The following GRIP2 variants were observed in gnomAD, a reference collection of about 807,000 sequenced individuals.
The protein encoded by GRIP2 is glutamate receptor-interacting protein 2.
In GRIP2, 58 loss-of-function variants were observed where a neutral mutation model predicts 108.3. The observed-to-expected ratio is 0.54, with a 90% CI of 0.43 to 0.67. GRIP2 has a LOEUF of 0.67. Among genes scored for constraint, GRIP2 ranks in the 30% least tolerant of loss-of-function variants. The pLI, the probability that GRIP2 is intolerant of heterozygous loss-of-function variation, is 0.00. For missense variants in GRIP2, 1,278 were observed against 1,430.6 expected (o/e 0.89, Z 1.72); for synonymous variants, 586 against 598.2 (o/e 0.98, Z 0.30).
chr3:14,574,406 C>A, the GRIP2 span: 1 of 769,928 alleles, frequency 1.3e-6, no homozygotes, highest in South Asian at 1.5e-5. Context: ...GGAGCCGCAC[C>A]TTGGGCTGCG....
At chr3:14,549,250 C>A (rs752529759) in intron 1 of GRIP2, among the ~76,000 whole-genome samples, 1 of 152,206 alleles carries the variant, frequency 6.6e-6, no homozygotes, top group Non-Finnish European at 1.5e-5. Context: ...ATGCAGGAAT[C>A]CTCTCTGCTG....
At chr3:14,574,038 C>T in the GRIP2 span, 2 of 1,496,502 alleles carry the variant, frequency 1.3e-6, no homozygotes, top group East Asian at 4.5e-5. Context: ...GGGCCCGATC[C>T]AGAAGTTCTC....
At chr3:14,523,173 G>T in intron 5 of GRIP2, 98 bp from the exon 6 acceptor site, 1 of 876,042 alleles carries the variant, frequency 1.1e-6, no homozygotes, top group Non-Finnish European at 1.8e-6. Flanking sequence ...AATAAAACCT[G>T]TTTGAGGACC....
chr3:14,554,065 C>T (rs1476295099), intron 1 of GRIP2, among the ~76,000 whole-genome samples: 2 of 152,062 alleles, frequency 1.3e-5, no homozygotes, highest in Non-Finnish European at 2.9e-5. Context: ...GTGGTTGGGT[C>T]ACTAAGGGGA....
chr3:14,520,455 G>A lies in GRIP2; in HGVS notation c.795C>T (p.Thr265=). 1.2e-6 allele frequency: 2 copies of A among 1,613,914 alleles called. No homozygotes were observed. Among genetic ancestry groups the A allele is most frequent in the Non-Finnish European group, 1.7e-6 (2 of 1,179,868 alleles). ...TGACTGACTTGTTCCGGAGGGAGGTGGTGGTGAGCGAGATCCCCAGGGCAG... is the reference window on the plus strand; with the variant it reads ...TGACTGACTTGTTCCGGAGGGAGGTAGTGGTGAGCGAGATCCCCAGGGCAG... ...PGSALGISLT[T]TSLRNKSVIT... Residue 265 remains threonine (T), a synonymous_variant, in exon 8 of 24, where the codon ACC becomes ACT. Coordinates refer to ENST00000621039, the MANE Select transcript of GRIP2 (RefSeq NM_001080423.4).
At chr3:14,525,055 C>T (rs34000057) in intron 3 of GRIP2, among the ~76,000 whole-genome samples, 59,828 of 152,024 alleles carry the variant, frequency 0.39, 12,898 homozygotes, top group South Asian at 0.6. Flanking sequence ...GCCTTGGCCT[C>T]GGGTCAGGGA....
At position 14,505,835 on chromosome 3, in the gene GRIP2, GC is replaced by G. The variant is rs750677037; in HGVS notation, c.2399-47del. 4 of 1,454,744 alleles carry G rather than the reference GC, an allele frequency of 2.7e-6. No individual in the cohort carries two copies. In the East Asian group the frequency reaches 1.0e-4, roughly 37 times the overall value. The allele number at this position is 1,454,744 out of a possible 1,614,324, so 90.1% of individuals were successfully genotyped here. A position where few individuals can be genotyped will look rare whatever the true frequency, so the allele number is the denominator to read the frequency against. On this transcript the variant is annotated intron_variant, in intron 19 of 23. Transcript: ENST00000621039. This position sits in a 1 kb window ranked among gnomAD's most constrained non-coding sequence, Gnocchi z 4.2. ...TCTGTGTTCCCTGCGGCCTCACCTT[GC>G]CCTCCTGCCTGCCCCATTTCCAGCT...
the GRIP2 span, among the ~76,000 whole-genome samples, chr3:14,584,254 T>C: frequency 6.6e-6 from 1 of 152,130 alleles, no homozygotes; most frequent in Non-Finnish European, 1.5e-5. Flanking sequence ...TCCAGGCCGG[T>C]CCCATAACTC....
chr3:14,499,837 T>C (rs1299308629), intron 21 of GRIP2, among the ~76,000 whole-genome samples: 6 of 152,228 alleles, frequency 3.9e-5, no homozygotes, highest in African/African-American at 1.4e-4. Context: ...GGGATAATTG[T>C]CTTGGGCCAC....
In GRIP2 at chr3:14,512,945, G is replaced by T; in HGVS notation, c.1640-88C>A. The stretch of plus-strand genomic sequence containing the variant: ...CCCCATGCCCATTCTGGCTGTGCTG[G>T]GAGTGACCCCGAAAGTCACAGTTCT... On this transcript the variant is annotated intron_variant, in intron 13 of 23. Transcript: ENST00000621039. The surrounding 1 kb of genome is among the most constrained non-coding windows in gnomAD (Gnocchi z 5.1). 8.4e-7 allele frequency: 1 copy of T among 1,188,532 alleles called. No homozygotes were observed. Among genetic ancestry groups the T allele is most frequent in the Non-Finnish European group, 1.3e-6 (1 of 797,580 alleles). The allele number at this position is 1,188,532 out of a possible 1,614,324, so 73.6% of individuals were successfully genotyped here.
rs1386433226 is a variant in GRIP2 at position 14,506,844 on chromosome 3, C to T, written c.2355G>A (p.Glu785=). ...PAVPSVDSAV[E]SWDSSATEGG... The stretch of plus-strand genomic sequence containing the variant: ...CCTCGGTGGCCGAGCTGTCCCAAGA[C>T]TCCACAGCACTGTCCACACTGGGCA... Residue 785 remains glutamate (E), a synonymous_variant, in exon 19 of 24, where the codon GAG becomes GAA. Transcript: ENST00000621039. The T allele has an allele frequency of 2.5e-6, 4 of 1,607,062 alleles. No homozygotes were observed. The highest frequency in any genetic ancestry group is 2.2e-5 in the South Asian group (2 of 89,654).
chr3:14,506,957 C>A lies in GRIP2; in HGVS notation c.2242G>T (p.Gly748Cys), dbSNP rs754390292. The change falls in exon 19 of 24, where the codon GGC becomes TGC. Residue 748 changes from glycine (G) to cysteine (C), a missense_variant. Gly to Cys is a radical substitution (Grantham distance 159, BLOSUM62 -3). Transcript: ENST00000621039. ...LDRPLLPRKS[G>C]SLSETSDADE... is the part of the protein sequence containing the mutation. ...GCATCACTGGTCTCACTGAGGCTGC[C>A]CGACTTGCGGGGTAGGAGGGGACCT... is the stretch of plus-strand genomic sequence containing the variant. 5.7e-5 allele frequency: 92 copies of A among 1,605,908 alleles called. No individual in the cohort carries two copies. The highest frequency in any genetic ancestry group is 7.5e-5 in the Non-Finnish European group (88 of 1,176,288).
rs1296586636 is a variant in GRIP2 at position 14,489,919 on chromosome 3, G to T, written c.*3746C>A. 2 of 152,190 alleles carry T rather than the reference G, an allele frequency of 1.3e-5. No homozygotes were observed. The highest frequency in any genetic ancestry group is 2.9e-5 in the Non-Finnish European group (2 of 68,048). The allele number at this position is 152,190 out of a possible 1,614,324, so 9.4% of individuals were successfully genotyped here. A position where few individuals can be genotyped will look rare whatever the true frequency, so the allele number is the denominator to read the frequency against. ...AATACCCAGTTAGGGGCTCTCTGGG[G>T]TCACAACAGGTCCATGTTTGGGGCA... is the stretch of plus-strand genomic sequence containing the variant. On this transcript the variant is annotated 3_prime_UTR_variant, in exon 24 of 24. Coordinates refer to ENST00000621039, the MANE Select transcript of GRIP2 (RefSeq NM_001080423.4).
At chr3:14,593,850 C>G in the GRIP2 span, among the ~76,000 whole-genome samples, 6 of 152,274 alleles carry the variant, frequency 3.9e-5, no homozygotes, top group South Asian at 1.2e-3. Context: ...ACACCCCCAC[C>G]CAGGCCCAAA....
At chr3:14,493,894 G>T in intron 23 of GRIP2, 68 bp from the exon 24 acceptor site, 13 of 1,525,410 alleles carry the variant, frequency 8.5e-6, no homozygotes, top group Non-Finnish European at 1.2e-5. Flanking sequence ...GGAGCAAGAG[G>T]CATGTGATGT....
At chr3:14,598,122 C>T in the GRIP2 span, among the ~76,000 whole-genome samples, 1 of 152,122 alleles carries the variant, frequency 6.6e-6, no homozygotes, top group Non-Finnish European at 1.5e-5. Flanking sequence ...CAAACACAAA[C>T]ACACGCACAC....
At chr3:14,530,648 TTTCATTTTCTAA>T (rs1694686387) in intron 1 of GRIP2, among the ~76,000 whole-genome samples, 1 of 152,236 alleles carries the variant, frequency 6.6e-6, no homozygotes, top group Non-Finnish European at 1.5e-5. Flanking sequence ...GTTTTTCAAA[TTTCATTTTCTAA>T]TTATTTGTTC....
At chr3:14,554,977 C>T (rs756426071) in intron 1 of GRIP2, among the ~76,000 whole-genome samples, 69 of 152,128 alleles carry the variant, frequency 4.5e-4, no homozygotes, top group Non-Finnish European at 1.6e-4. Context: ...GCATAGAGAT[C>T]GTGAATCCAC....
chr3:14,588,336 C>T, the GRIP2 span, among the ~76,000 whole-genome samples: 249 of 152,274 alleles, frequency 1.6e-3, 1 homozygote, highest in African/African-American at 5.8e-3. Context: ...GTGAGGAACC[C>T]CGGCCTCCCC....
Sources: allele counts gnomAD v4.1 joint callset (sites outside exome capture counted in the v4.1 genomes callset), GRCh38; gene constraint gnomAD v4.1.1; non-coding constraint Gnocchi (gnomAD v3.1); transcripts MANE v1.5; gene names NCBI Gene and HGNC (gene_info 2026-07-23, HGNC 2026-07-21).